Variants in ABCD4 observed in about 807,000 individuals in gnomAD.
The protein encoded by ABCD4 is lysosomal cobalamin transporter ABCD4.
A neutral mutation model predicts 86.3 loss-of-function variants in ABCD4; 53 were observed. The observed-to-expected ratio is 0.61, with a 90% confidence interval of 0.49 to 0.77. The LOEUF (loss-of-function observed/expected upper bound fraction) is 0.77. Ranked by LOEUF, ABCD4 falls within the 30% of genes least tolerant of loss-of-function variation. The pLI is 0.00. For synonymous variants in ABCD4, 328 were observed against 313.6 expected, an observed-to-expected ratio of 1.05 and a Z score of -0.49; for missense variants, 757 against 764.5, an observed-to-expected ratio of 0.99 and a Z score of 0.12.
In ABCD4 at chr14:74,289,413, GCC is replaced by G. The variant is rs967968776; in HGVS notation, c.1456+68_1456+69del. 1.9e-6 allele frequency: 3 copies of G among 1,598,160 alleles called. No homozygotes were observed. The African/African-American group carries it at 4.2e-5, about 22-fold the overall frequency. ...GCCTCTCCCCAAGGGCACAGATGAG[GCC>G]ACAGTCAGGTAGAGCAGGGACAACC... On this transcript the variant is annotated intron_variant, in intron 14 of 18. Transcript: ENST00000356924.
At chr14:74,299,973 G>A (rs1248593993) in intron 2 of ABCD4, 177 bp downstream of exon 2, 3 of 581,380 alleles carry the variant, frequency 5.2e-6, no homozygotes, top group Admixed American at 3.2e-5. Flanking sequence ...GAAGGCAGGA[G>A]AATCACTTGA....
At chr14:74,298,141 G>C (rs139038186) in intron 3 of ABCD4, 72 bp from the exon 4 acceptor site, 4 of 1,569,468 alleles carry the variant, frequency 2.5e-6, no homozygotes, top group Non-Finnish European at 3.4e-6. Flanking sequence ...CTCAAGGCTC[G>C]CAAGAGCCTC....
At chr14:74,288,458 CT>C in intron 15 of ABCD4, 199 bp from the exon 16 acceptor site, 1 of 652,216 alleles carries the variant, frequency 1.5e-6, no homozygotes, top group South Asian at 1.9e-5. Flanking sequence ...ACTGTTTAGA[CT>C]TGCTGGAGCA....
At chr14:74,288,845 G>A (rs1594830832) in intron 14 of ABCD4, 80 bp from the exon 15 acceptor site, 1 of 1,535,496 alleles carries the variant, frequency 6.5e-7, no homozygotes, top group Non-Finnish European at 8.8e-7. Flanking sequence ...TGTGCACAGT[G>A]GCTCACGCCT....
At position 74,285,567 on chromosome 14, in the gene ABCD4, TATG is replaced by T. The variant is rs1253200174; in HGVS notation, c.*891_*893del. 1.3e-5 allele frequency: 2 copies of T among 152,154 alleles called. No homozygotes were observed. The highest frequency in any genetic ancestry group is 1.3e-4 in the Admixed American group (2 of 15,260). The allele number at this position is 152,154 out of a possible 1,614,324, so 9.4% of individuals were successfully genotyped here. A position where few individuals can be genotyped will look rare whatever the true frequency, so the allele number is the denominator to read the frequency against. On this transcript the variant is annotated 3_prime_UTR_variant, in exon 19 of 19. Transcript: ENST00000356924. The stretch of plus-strand genomic sequence containing the variant: ...AGAAGTACAGAAGCCTGGCAAAAAT[TATG>T]AAGGTAAGGAAGGTAATACATAGAC...
rs1263744302 is a variant in ABCD4, at chr14:74,290,007, G to T, written c.1419+20C>A. The T allele has an allele frequency of 6.2e-7, 1 of 1,614,034 alleles. No individual in the cohort carries two copies. The highest frequency in any genetic ancestry group is 8.5e-7 in the Non-Finnish European group (1 of 1,179,954). ...GGCGGGGTTGAGGAGGGAGGAGTGA[G>T]CCCCCTGAACTAGACTGACCTGCTC... On this transcript the variant is annotated intron_variant, in intron 13 of 18. Coordinates refer to ENST00000356924, the MANE Select transcript of ABCD4 (RefSeq NM_005050.4).
intron 8 of ABCD4, 93 bp downstream of exon 8, chr14:74,293,061 T>G: frequency 1.4e-6 from 2 of 1,475,734 alleles, no homozygotes; most frequent in Non-Finnish European, 1.9e-6. Flanking sequence ...TCATGGCACA[T>G]TTATCCTTGC....
Position 74,286,536 on chromosome 14 carries a change from G to A in ABCD4, c.1753-7C>T. 1 of 1,614,198 alleles carries A rather than the reference G, an allele frequency of 6.2e-7. No individual in the cohort carries two copies. The highest frequency in any genetic ancestry group is 8.5e-7 in the Non-Finnish European group (1 of 1,180,044). On this transcript the variant is annotated splice_polypyrimidine_tract_variant and splice_region_variant and intron_variant, in intron 18 of 18. Transcript: ENST00000356924. ...TCAGAACCAAGGAATGAAACTACAA[G>A]AGACCACCACCACATGGAGATCAGG...
intron 17 of ABCD4, 134 bp from the exon 18 acceptor site, chr14:74,286,950 CT>C: frequency 1.3e-6 from 1 of 754,574 alleles, no homozygotes; most frequent in Non-Finnish European, 2.1e-6. Flanking sequence ...GAAGCCCTGC[CT>C]CAGGGAGAAG....
intron 7 of ABCD4, 115 bp downstream of exon 7, chr14:74,295,033 G>A: frequency 7.8e-7 from 1 of 1,280,142 alleles, no homozygotes; most frequent in South Asian, 1.3e-5. Flanking sequence ...TCACAGCCAA[G>A]TGTGACAACA....
In ABCD4 at chr14:74,296,314, G is replaced by A. The variant is rs747767591; in HGVS notation, c.542+19C>T. On this transcript the variant is annotated intron_variant, in intron 5 of 18. Transcript: ENST00000356924. Reference sequence around the variant, plus strand: ...GGCCCTCTGGGGAAACACCAGGCTGGGGAGGAGGGAGGCTTCACCTTTGGA... The same window carrying A: ...GGCCCTCTGGGGAAACACCAGGCTGAGGAGGAGGGAGGCTTCACCTTTGGA... 40 of 1,608,852 alleles carry A rather than the reference G, an allele frequency of 2.5e-5. No individual in the cohort carries two copies. The highest frequency in any genetic ancestry group is 3.3e-5 in the Non-Finnish European group (39 of 1,175,430).
chr14:74,288,569 G>C, intron 15 of ABCD4, 147 bp downstream of exon 15: 1 of 918,550 alleles, frequency 1.1e-6, no homozygotes, highest in Non-Finnish European at 1.7e-6. Flanking sequence ...CTGGCCAACA[G>C]CACACACTGT....
intron 11 of ABCD4, among the ~76,000 whole-genome samples, 193 bp from the exon 12 acceptor site, chr14:74,290,692 T>C (rs922513050): frequency 1.3e-4 from 19 of 148,160 alleles, no homozygotes; most frequent in African/African-American, 4.5e-4. Context: ...TCTTTTTTTT[T>C]TTTTTTTTTT....
In ABCD4 at chr14:74,292,579, G is replaced by T; in HGVS notation, c.1000C>A (p.Leu334Ile). 15 of 1,614,110 alleles carry T rather than the reference G, an allele frequency of 9.3e-6. No individual in the cohort carries two copies. The highest frequency in any genetic ancestry group is 1.3e-5 in the Non-Finnish European group (15 of 1,180,022). ...TGCGTGTAGCCAGCCACATCTGAGA[G>T]CGTCGTGGACAGGTCGATGAGCTGG... ...FTQLIDLSTT[L>I]SDVAGYTHRI... The change falls in exon 10 of 19, where the codon CTC (leucine) becomes ATC (isoleucine). Residue 334 changes from leucine to isoleucine, a missense_variant. By Grantham distance (5) the Leu-to-Ile change is conservative. Transcript: ENST00000356924.
chr14:74,287,698 T>C, intron 17 of ABCD4, 112 bp downstream of exon 17: 1 of 1,011,606 alleles, frequency 9.9e-7, no homozygotes, highest in Non-Finnish European at 1.5e-6. Flanking sequence ...CAGCAGGGAA[T>C]GCGGAGAAGC....
Position 74,292,323 on chromosome 14 carries a change from C to T in ABCD4, c.1082G>A (p.Cys361Tyr). 2 of 1,614,154 alleles carry T rather than the reference C, an allele frequency of 1.2e-6. No homozygotes were observed. The highest frequency in any genetic ancestry group is 1.1e-5 in the South Asian group (1 of 91,086). The change falls in exon 11 of 19, where the codon TGC (cysteine) becomes TAC (tyrosine). Residue 361 changes from cysteine to tyrosine, a missense_variant. Physicochemically the swap from Cys to Tyr is radical, Grantham distance 194. Transcript: ENST00000356924. Reference protein sequence around the residue: ...LLDMSLKSQDCEILGESEWGL... With the variant: ...LLDMSLKSQDYEILGESEWGL... ...CCACTCGCTCTCGCCCAGGATCTCG[C>T]AGTCCTGTGACTTCAGGGACATGTC... is the stretch of plus-strand genomic sequence containing the variant.
At chr14:74,288,167 T>C (rs62006825) in intron 16 of ABCD4, 40 bp downstream of exon 16, 137 of 1,604,180 alleles carry the variant, frequency 8.5e-5, no homozygotes, top group Non-Finnish European at 1.1e-4. Flanking sequence ...ACTGTCTTTA[T>C]GGTGGGGCTA....
rs759482405 is a variant in ABCD4 at position 74,286,504 on chromosome 14, CAG to C, written c.1776_1777del (p.Cys593TrpfsTer38). ...CATCAGCTCCCATCTTCCTCCTCCA[CAG>C]AGTTTCAGAACCAAGGAATGAAACT... On this transcript the variant is annotated frameshift_variant, in exon 19 of 19. Transcript: ENST00000356924. LOFTEE classifies it high-confidence loss of function. 1.7e-5 allele frequency: 27 copies of C among 1,614,266 alleles called. No homozygotes were observed. Among genetic ancestry groups the C allele is most frequent in the Non-Finnish European group, 1.9e-5 (22 of 1,180,050 alleles).
chr14:74,297,779 C>T, intron 4 of ABCD4, 151 bp downstream of exon 4: 1 of 1,404,536 alleles, frequency 7.1e-7, no homozygotes, highest in Non-Finnish European at 9.3e-7. Context: ...CAGGAGTCCT[C>T]TGCAGGGCAC....
Sources: gnomAD v4.1 joint callset for allele counts (sites outside exome capture counted in the v4.1 genomes callset) on GRCh38, gnomAD v4.1.1 for gene constraint, MANE v1.5 for transcripts, NCBI Gene and HGNC (gene_info 2026-07-23, HGNC 2026-07-21) for gene names.